Variants in RTN1 observed in about 807,000 individuals in gnomAD.
RTN1 encodes reticulon 1, also known as reticulon-1.
In RTN1, 25 loss-of-function variants were observed where a neutral mutation model predicts 65.5. That is an observed-to-expected ratio of 0.38 (90% CI 0.28 to 0.53). The LOEUF (loss-of-function observed/expected upper bound fraction) is 0.53. Among genes scored for constraint, RTN1 ranks in the 20% least tolerant of loss-of-function variants. The pLI is 0.79. For missense variants in RTN1, 983 were observed against 1,025.4 expected (o/e 0.96, Z 0.57); for synonymous variants, 471 against 447.6 (o/e 1.05, Z -0.66).
chr14:59,813,419 A>T (rs1886764755), intron 1 of RTN1, among the ~76,000 whole-genome samples: 1 of 152,012 alleles, frequency 6.6e-6, no homozygotes, highest in Admixed American at 6.5e-5. Flanking sequence ...AAATTCAATT[A>T]AAAAAATACT....
chr14:59,642,756 C>T (rs937018231), intron 3 of RTN1, among the ~76,000 whole-genome samples: 3 of 152,128 alleles, frequency 2.0e-5, no homozygotes, highest in Non-Finnish European at 4.4e-5. Flanking sequence ...TCTTTATCAG[C>T]CATATCCAAT....
chr14:59,715,909 T>C (rs886545432), intron 3 of RTN1, among the ~76,000 whole-genome samples: 1 of 152,160 alleles, frequency 6.6e-6, no homozygotes, highest in Non-Finnish European at 1.5e-5. Flanking sequence ...ATTTTACTTA[T>C]ATCCAAACTT....
chr14:59,813,532 C>A (rs1357870543), intron 1 of RTN1, among the ~76,000 whole-genome samples: 2 of 152,096 alleles, frequency 1.3e-5, no homozygotes. Flanking sequence ...TTTGTAAGAC[C>A]GCTTTTTAAA....
rs1886814359 is a variant in RTN1, at chr14:59,816,008, A to G, written c.241+54382T>C. On this transcript the variant is annotated intron_variant, in intron 1 of 8. Transcript: ENST00000267484. The surrounding 1 kb of genome is among the most constrained non-coding windows in gnomAD (Gnocchi z 4.3). ...CACTTGTACCACCTGCTCTTCGTCC[A>G]AGATATGAAGTGCCTTCATGCAGCC... Among the ~76,000 whole-genome samples, 1 of 152,186 alleles carries G rather than the reference A, an allele frequency of 6.6e-6. No individual in the cohort carries two copies. Among genetic ancestry groups the G allele is most frequent in the Non-Finnish European group, 1.5e-5 (1 of 68,032 alleles).
At chr14:59,663,911 A>C (rs1390034287) in intron 3 of RTN1, among the ~76,000 whole-genome samples, 1 of 152,182 alleles carries the variant, frequency 6.6e-6, no homozygotes, top group Non-Finnish European at 1.5e-5. Flanking sequence ...TAGTGTGGCG[A>C]TTCCTCAAGG....
At chr14:59,808,184 T>C (rs1026000632) in intron 1 of RTN1, among the ~76,000 whole-genome samples, 3 of 152,214 alleles carry the variant, frequency 2.0e-5, no homozygotes, top group Non-Finnish European at 2.9e-5. Context: ...CCAAACCCCA[T>C]AACTGTTACA....
Position 59,870,605 on chromosome 14 carries a change from T to C in RTN1, c.26A>G (p.Asp9Gly). 4 of 1,431,152 alleles carry C rather than the reference T, an allele frequency of 2.8e-6. No homozygotes were observed. Among genetic ancestry groups the C allele is most frequent in the Non-Finnish European group, 3.6e-6 (4 of 1,096,798 alleles). 88.7% of individuals were successfully genotyped at this position (1,431,152 alleles called of 1,614,324 possible). Residue 9 changes from aspartate to glycine, a missense_variant, in exon 1 of 9, where the codon GAC becomes GGC. Transcript: ENST00000267484. This position sits in a 1 kb window ranked among gnomAD's most constrained non-coding sequence, Gnocchi z 5.1. MAAPGDPQ[D>G]ELLPLAGPGS... The stretch of plus-strand genomic sequence containing the variant: ...GGGGCCGGCCAGCGGCAGCAGCTCG[T>C]CCTGCGGATCCCCCGGCGCGGCCAT...
chr14:59,728,996 A>T (rs1205880382), intron 2 of RTN1, among the ~76,000 whole-genome samples: 2 of 152,214 alleles, frequency 1.3e-5, no homozygotes, highest in African/African-American at 4.8e-5. Context: ...AAAGTAGAGT[A>T]GGGTAAGGAA....
At chr14:59,721,005 CT>C (rs561427693) in intron 3 of RTN1, among the ~76,000 whole-genome samples, 58 of 145,454 alleles carry the variant, frequency 4.0e-4, no homozygotes, top group East Asian at 6.0e-4. Flanking sequence ...GGTATAATGA[CT>C]TTTTTTTTTT....
At position 59,870,090 on chromosome 14, in the gene RTN1, T is replaced by C. The variant is rs1466204194; in HGVS notation, c.241+300A>G. 6.6e-6 allele frequency among the ~76,000 whole-genome samples: 1 copy of C among 152,174 alleles called. No homozygotes were observed. Among genetic ancestry groups the C allele is most frequent in the Non-Finnish European group, 1.5e-5 (1 of 68,032 alleles). On this transcript the variant is annotated intron_variant, in intron 1 of 8. Coordinates refer to ENST00000267484, the MANE Select transcript of RTN1 (RefSeq NM_021136.3). The surrounding 1 kb of genome is among the most constrained non-coding windows in gnomAD (Gnocchi z 5.1). ...AGGAGGGAGAAACTTGTACCCAGAC[T>C]CGCCAGCAGCCAGAATGCTGCTGTT...
intron 3 of RTN1, among the ~76,000 whole-genome samples, chr14:59,711,207 T>C (rs915273482): frequency 6.6e-6 from 1 of 152,200 alleles, no homozygotes; most frequent in Non-Finnish European, 1.5e-5. Flanking sequence ...AACAGACTGG[T>C]CTTGTGCAAA....
intron 3 of RTN1, among the ~76,000 whole-genome samples, chr14:59,609,230 A>G (rs1766960371): frequency 6.6e-6 from 1 of 151,882 alleles, no homozygotes; most frequent in Non-Finnish European, 1.5e-5. Context: ...GGTTGTAGTG[A>G]GCCAAGATGG....
chr14:59,819,912 C>T (rs1213757350), intron 1 of RTN1, among the ~76,000 whole-genome samples: 1 of 152,164 alleles, frequency 6.6e-6, no homozygotes, highest in Non-Finnish European at 1.5e-5. Context: ...CCCTGGTTCC[C>T]GCCTGCGCCT....
rs886377810 is a variant in RTN1 at position 59,862,360 on chromosome 14, T to G, written c.241+8030A>C. Among the ~76,000 whole-genome samples, 7 of 152,128 alleles carry G rather than the reference T, an allele frequency of 4.6e-5. No individual in the cohort carries two copies. The South Asian group carries it at 6.2e-4, about 14-fold the overall frequency. ...ATCATGTAGGTGACTGTTTCACTCC[T>G]ATTTTCACCTTTCTTCTGGACTCCT... On this transcript the variant is annotated intron_variant, in intron 1 of 8. Transcript: ENST00000267484.
At position 59,795,928 on chromosome 14, in the gene RTN1, G is replaced by T. The variant is rs141063808; in HGVS notation, c.242-49447C>A. Among the ~76,000 whole-genome samples, 201 of 152,144 alleles carry T rather than the reference G, an allele frequency of 1.3e-3. 1 individual carries two copies. The highest frequency in any genetic ancestry group is 4.6e-3 in the African/African-American group (192 of 41,488). ...GGGCTTTATATTAAATATAATAATT[G>T]AAATAATCTACATTATCCAAAAATT... is the stretch of plus-strand genomic sequence containing the variant. On this transcript the variant is annotated intron_variant, in intron 1 of 8. Transcript: ENST00000267484.
chr14:59,800,680 G>A lies in RTN1; in HGVS notation c.242-54199C>T, dbSNP rs567202009. ...CTCCCAAAGTGCTGGGATTACAGGC[G>A]TGAGCCACCACACCGGGCCAAAAAT... On this transcript the variant is annotated intron_variant, in intron 1 of 8. Coordinates refer to ENST00000267484, the MANE Select transcript of RTN1 (RefSeq NM_021136.3). 1.1e-4 allele frequency among the ~76,000 whole-genome samples: 16 copies of A among 152,218 alleles called. No homozygotes were observed. In the East Asian group the frequency reaches 1.5e-3, roughly 15 times the overall value.
chr14:59,648,407 A>T (rs1352945869), intron 3 of RTN1, among the ~76,000 whole-genome samples: 2 of 152,180 alleles, frequency 1.3e-5, no homozygotes, highest in Admixed American at 6.6e-5. Context: ...CTATTCCAAC[A>T]AAATGAGAAG....
chr14:59,827,180 G>T (rs556577276), intron 1 of RTN1, among the ~76,000 whole-genome samples: 1 of 152,092 alleles, frequency 6.6e-6, no homozygotes, highest in Admixed American at 6.5e-5. Context: ...CCGGGTTCAC[G>T]CCATTCTCCT....
intron 3 of RTN1, among the ~76,000 whole-genome samples, chr14:59,672,621 A>ATTT (rs1594669647): frequency 2.9e-4 from 27 of 93,936 alleles, no homozygotes; most frequent in Non-Finnish European, 3.9e-4. Flanking sequence ...AATACAAGAT[A>ATTT]TTTCTTTTTT....
Sources: allele counts gnomAD v4.1 joint callset (sites outside exome capture counted in the v4.1 genomes callset), GRCh38; gene constraint gnomAD v4.1.1; non-coding constraint Gnocchi (gnomAD v3.1); transcripts MANE v1.5; gene names NCBI Gene and HGNC (gene_info 2026-07-23, HGNC 2026-07-21).